SV2B: variants seen among roughly 807,000 people sequenced by gnomAD.
The protein encoded by SV2B is solute carrier family 22 member B2.
A neutral mutation model predicts 73.9 loss-of-function variants in SV2B; 41 were observed. The ratio of observed to expected loss-of-function variants is 0.56; its 90% CI spans 0.43 to 0.72. SV2B has a LOEUF of 0.72. Among genes scored for constraint, SV2B ranks in the 30% least tolerant of loss-of-function variants. The probability of loss-of-function intolerance (pLI) is 0.00; values close to 1 mark genes in which losing one functional copy is unlikely to be tolerated. For synonymous variants in SV2B, 314 were observed against 314.2 expected (o/e 1.00, Z 0.01); for missense variants, 764 against 857.8 (o/e 0.89, Z 1.37).
intron 1 of SV2B, among the ~76,000 whole-genome samples, chr15:91,175,673 T>C (rs1467686203): frequency 6.6e-6 from 1 of 151,344 alleles, no homozygotes; most frequent in East Asian, 1.9e-4. Flanking sequence ...TTTAGACTCA[T>C]GCTCTTAAAA....
chr15:91,207,567 T>A (rs1213237252), intron 1 of SV2B, among the ~76,000 whole-genome samples: 1 of 152,174 alleles, frequency 6.6e-6, no homozygotes, highest in Non-Finnish European at 1.5e-5. Flanking sequence ...GTCAGCTTGA[T>A]GTTGTAGGGA....
At chr15:91,212,248 A>G (rs1193879617) in intron 1 of SV2B, among the ~76,000 whole-genome samples, 38 of 152,238 alleles carry the variant, frequency 2.5e-4, no homozygotes, top group Non-Finnish European at 7.3e-5. Context: ...AAAACTCTCC[A>G]GAAAACTTGC....
rs1170765927 is a variant in SV2B at position 91,118,768 on chromosome 15, T to C, written c.-392+18405T>C. Among the ~76,000 whole-genome samples the C allele has an allele frequency of 6.6e-6, 1 of 152,244 alleles. No homozygotes were observed. The highest frequency in any genetic ancestry group is 1.5e-5 in the Non-Finnish European group (1 of 68,042). On this transcript the variant is annotated intron_variant, in intron 1 of 12. Coordinates refer to ENST00000394232, the MANE Select transcript of SV2B (RefSeq NM_001323032.3). This position sits in a 1 kb window ranked among gnomAD's most constrained non-coding sequence, Gnocchi z 4.7. The stretch of plus-strand genomic sequence containing the variant: ...GCCAGGGAGGGACATCTCTCTGTCA[T>C]CATCATCATAATAGCTCTTGCTGTG...
rs574994241 is a variant in SV2B at position 91,173,905 on chromosome 15, T to C, written c.-391-51968T>C. Among the ~76,000 whole-genome samples the C allele has an allele frequency of 2.6e-4, 40 of 152,336 alleles. 1 individual carries two copies. The South Asian group carries it at 7.7e-3, about 29-fold the overall frequency. ...ATCTTTTCAGTACTTTGATGCCTTT[T>C]TCTTCTCTATCTGAGGGTTTCCATT... On this transcript the variant is annotated intron_variant, in intron 1 of 12. Coordinates refer to ENST00000394232, the MANE Select transcript of SV2B (RefSeq NM_001323032.3).
intron 1 of SV2B, among the ~76,000 whole-genome samples, chr15:91,169,347 A>G (rs1408027763): frequency 6.6e-6 from 1 of 152,192 alleles, no homozygotes; most frequent in African/African-American, 2.4e-5. Flanking sequence ...TGTGGCCAGC[A>G]TGTTTCAGTA....
intron 1 of SV2B, among the ~76,000 whole-genome samples, chr15:91,138,162 A>G (rs1309561308): frequency 6.6e-6 from 1 of 152,140 alleles, no homozygotes; most frequent in African/African-American, 2.4e-5. Context: ...AACAATAACA[A>G]AAACCAACCA....
At chr15:91,263,216 G>C (rs2047977520) in intron 6 of SV2B, among the ~76,000 whole-genome samples, 1 of 102,922 alleles carries the variant, frequency 9.7e-6, no homozygotes, top group Non-Finnish European at 1.8e-5. Context: ...GGACACACAT[G>C]AACACAGACA....
At chr15:91,212,327 A>C (rs566107961) in intron 1 of SV2B, among the ~76,000 whole-genome samples, 51 of 152,302 alleles carry the variant, frequency 3.3e-4, no homozygotes, top group African/African-American at 1.2e-3. Flanking sequence ...TTAGGTGTCA[A>C]TTAGCCGGCC....
At chr15:91,169,250 T>A (rs927574527) in intron 1 of SV2B, among the ~76,000 whole-genome samples, 4 of 152,172 alleles carry the variant, frequency 2.6e-5, no homozygotes, top group Admixed American at 2.6e-4. Flanking sequence ...GCCTCATCAG[T>A]GTATACTTTG....
chr15:91,146,293 C>T (rs972667263), intron 1 of SV2B, among the ~76,000 whole-genome samples: 5 of 152,068 alleles, frequency 3.3e-5, no homozygotes, highest in South Asian at 2.1e-4. Flanking sequence ...TATAGGTGTG[C>T]GGTCTTATTT....
At chr15:91,167,457 G>C (rs548922268) in intron 1 of SV2B, among the ~76,000 whole-genome samples, 1 of 152,276 alleles carries the variant, frequency 6.6e-6, no homozygotes, top group South Asian at 2.1e-4. Flanking sequence ...GACTTTAAGA[G>C]AGAATACATT....
At position 91,286,032 on chromosome 15, in the gene SV2B, A is replaced by G. The variant is rs148068346; in HGVS notation, c.1708+1811A>G. ...AGGCACGCTCTCGAATGAGAGATCT[A>G]GAACTAATATTTAATCATTCCTTAT... On this transcript the variant is annotated intron_variant, in intron 11 of 12. Coordinates refer to ENST00000394232, the MANE Select transcript of SV2B (RefSeq NM_001323032.3). 5.1e-4 allele frequency among the ~76,000 whole-genome samples: 78 copies of G among 152,350 alleles called. 1 individual carries two copies. The highest frequency in any genetic ancestry group is 1.6e-3 in the African/African-American group (68 of 41,582).
At chr15:91,278,678 CAAAAA>C (rs746732650) in intron 9 of SV2B, among the ~76,000 whole-genome samples, 1 of 42,440 alleles carries the variant, frequency 2.4e-5, no homozygotes, top group Non-Finnish European at 4.3e-5. Flanking sequence ...GACTCCGTCT[CAAAAA>C]AAAAAAAAAA....
In SV2B at chr15:91,226,288, A is replaced by T; in HGVS notation, c.25A>T (p.Asn9Tyr). MDDYKYQD[N>Y]YGGYAPSDGY... ...AATGGATGACTACAAGTATCAGGAC[A>T]ATTATGGGGGCTATGCTCCCAGTGA... Residue 9 changes from asparagine to tyrosine, a missense_variant, in exon 2 of 13, where the codon AAT (asparagine) becomes TAT (tyrosine). Asn to Tyr is a moderately radical substitution (Grantham distance 143). Transcript: ENST00000394232. The T allele has an allele frequency of 3.1e-6, 5 of 1,614,170 alleles. No homozygotes were observed. The highest frequency in any genetic ancestry group is 4.2e-6 in the Non-Finnish European group (5 of 1,180,032).
rs144424299 is a variant in SV2B, at chr15:91,284,151, C to G, written c.1638C>G (p.Ser546Arg). 6.2e-7 allele frequency: 1 copy of G among 1,614,158 alleles called. No homozygotes were observed. Among genetic ancestry groups the G allele is most frequent in the Non-Finnish European group, 8.5e-7 (1 of 1,180,038 alleles). Residue 546 changes from serine (S) to arginine (R), a missense_variant, in exon 11 of 13, where the codon AGC becomes AGG. Coordinates refer to ENST00000394232, the MANE Select transcript of SV2B (RefSeq NM_001323032.3). This position sits in a 1 kb window ranked among gnomAD's most constrained non-coding sequence, Gnocchi z 4.5. ...TTTACCTCGTCAGCTTCCTGGGCAGCCTGTCTGTCTTACCCGGGAACATCA... is the reference window on the plus strand; with the variant it reads ...TTTACCTCGTCAGCTTCCTGGGCAGGCTGTCTGTCTTACCCGGGAACATCA... The part of the protein sequence containing the change: ...FLIYLVSFLG[S>R]LSVLPGNIIS...
In SV2B at chr15:91,214,967, C is replaced by T. The variant is rs370729306; in HGVS notation, c.-391-10906C>T. 6.6e-6 allele frequency among the ~76,000 whole-genome samples: 1 copy of T among 152,358 alleles called. No individual in the cohort carries two copies. Among genetic ancestry groups the T allele is most frequent in the East Asian group, 1.9e-4 (1 of 5,190 alleles). Reference sequence around the variant, plus strand: ...TTCTGTTTACCAGTCGTACTGCAGGCTGGGACCATTGTTGCTGACCCCAGG... The same window carrying T: ...TTCTGTTTACCAGTCGTACTGCAGGTTGGGACCATTGTTGCTGACCCCAGG... On this transcript the variant is annotated intron_variant, in intron 1 of 12. Coordinates refer to ENST00000394232, the MANE Select transcript of SV2B (RefSeq NM_001323032.3). The surrounding 1 kb of genome is among the most constrained non-coding windows in gnomAD (Gnocchi z 4.7).
At chr15:91,133,891 C>T (rs1012789653) in intron 1 of SV2B, among the ~76,000 whole-genome samples, 1 of 151,852 alleles carries the variant, frequency 6.6e-6, no homozygotes, top group Non-Finnish European at 1.5e-5. Context: ...ACTTGGAGCT[C>T]GGAAACGTCC....
chr15:91,269,050 T>C lies in SV2B; in HGVS notation c.1373+445T>C, dbSNP rs564256534. On this transcript the variant is annotated intron_variant, in intron 9 of 12. Coordinates refer to ENST00000394232, the MANE Select transcript of SV2B (RefSeq NM_001323032.3). ...GCCCTGTTGTTATTCTTTCACCTAA[T>C]ATTCCTTTGGAGCGTTGATCAGTAT... is the stretch of plus-strand genomic sequence containing the variant. Among the ~76,000 whole-genome samples the C allele has an allele frequency of 9.3e-4, 141 of 152,160 alleles. 1 individual carries two copies. Among genetic ancestry groups the C allele is most frequent in the African/African-American group, 3.3e-3 (137 of 41,490 alleles).
intron 1 of SV2B, among the ~76,000 whole-genome samples, chr15:91,109,577 G>A (rs2041983645): frequency 6.6e-6 from 1 of 152,144 alleles, no homozygotes; most frequent in Non-Finnish European, 1.5e-5. Flanking sequence ...AGCGTGATTT[G>A]TTTTAATGAA....
Sources: gnomAD v4.1 joint callset for allele counts (sites outside exome capture counted in the v4.1 genomes callset) on GRCh38, gnomAD v4.1.1 for gene constraint, Gnocchi (gnomAD v3.1) non-coding constraint, MANE v1.5 for transcripts, NCBI Gene and HGNC (gene_info 2026-07-23, HGNC 2026-07-21) for gene names.